Variants in SAMHD1 observed in about 807,000 individuals in gnomAD.
SAMHD1 encodes the protein deoxynucleoside triphosphate triphosphohydrolase SAMHD1.
In SAMHD1, 54 loss-of-function variants were observed where a neutral mutation model predicts 79.6. The ratio of observed to expected loss-of-function variants is 0.68; its 90% CI spans 0.55 to 0.85. SAMHD1 has a LOEUF of 0.85. Among genes scored for constraint, SAMHD1 ranks in the 40% least tolerant of loss-of-function variants. The pLI is 0.00. For synonymous variants in SAMHD1, 260 were observed against 264.1 expected (o/e 0.98, Z 0.15); for missense variants, 663 against 782.7 (o/e 0.85, Z 1.82).
At position 36,913,606 on chromosome 20, in the gene SAMHD1, GAA is replaced by G. The variant is rs796926123; in HGVS notation, c.1063-1056_1063-1055del. On this transcript the variant is annotated intron_variant, in intron 9 of 15. Transcript: ENST00000646673. ...TGACAGAGCAAGACTCCAACTCAAA[GAA>G]AAAAAAAAAAAACCCTAAAATCTAT... 2.7e-3 allele frequency among the ~76,000 whole-genome samples: 299 copies of G among 112,408 alleles called. 1 individual carries two copies. The highest frequency in any genetic ancestry group is 8.6e-3 in the African/African-American group (261 of 30,420). The allele number at this position is 112,408 out of a possible 152,430, so 73.7% of individuals were successfully genotyped here.
chr20:36,897,926 G>A lies in SAMHD1; in HGVS notation c.1642C>T (p.Gln548Ter), dbSNP rs121434519. The A allele has an allele frequency of 6.2e-7, 1 of 1,614,064 alleles. No individual in the cohort carries two copies. The highest frequency in any genetic ancestry group is 8.5e-7 in the Non-Finnish European group (1 of 1,180,032). ...TTCTTACAATATACTCGAATCAGCT[G>A]CTCTGCAAATTTCTCTGGCAGAAGT... ...SQLLPEKFAE[Q>*]LIRVYCKKVD... Residue 548 changes from glutamine to a stop codon, truncating the protein, a stop_gained, in exon 15 of 16, where the codon CAG (glutamine) becomes TAG (stop). Transcript: ENST00000646673. LOFTEE classifies it high-confidence loss of function.
At chr20:36,932,380 T>G (rs998168729) in intron 4 of SAMHD1, among the ~76,000 whole-genome samples, 19 of 112,066 alleles carry the variant, frequency 1.7e-4, no homozygotes, top group Admixed American at 4.0e-4. Context: ...AAAAGTAGAA[T>G]GGTAGTTACT....
At chr20:36,943,122 G>C (rs1225351012) in intron 2 of SAMHD1, among the ~76,000 whole-genome samples, 1 of 152,088 alleles carries the variant, frequency 6.6e-6, no homozygotes, top group African/African-American at 2.4e-5. Context: ...GGGATTGGGG[G>C]GTCTAGGGAG....
intron 3 of SAMHD1, among the ~76,000 whole-genome samples, chr20:36,938,473 G>A: frequency 6.6e-6 from 1 of 151,986 alleles, no homozygotes; most frequent in East Asian, 1.9e-4. Flanking sequence ...CCGGGAGGCG[G>A]AGGTTGCAGT....
intron 5 of SAMHD1, among the ~76,000 whole-genome samples, chr20:36,930,234 G>T (rs539267031): frequency 3.3e-5 from 5 of 152,250 alleles, no homozygotes; most frequent in Admixed American, 3.3e-4. Context: ...GGTGGCTCAT[G>T]CCTGTAATCC....
chr20:36,935,885 T>C lies in SAMHD1; in HGVS notation c.349-696A>G, dbSNP rs116497759. Among the ~76,000 whole-genome samples the C allele has an allele frequency of 6.4e-3, 974 of 152,098 alleles. 13 individuals are homozygous for C. Among genetic ancestry groups the C allele is most frequent in the East Asian group, 0.027 (139 of 5,166 alleles). On this transcript the variant is annotated intron_variant, in intron 3 of 15. Coordinates refer to ENST00000646673, the MANE Select transcript of SAMHD1 (RefSeq NM_015474.4). ...CGTGCCCGGCCTAAATTTTTTTTTT[T>C]CTAAATGTATCTATACAGCACTCAT...
chr20:36,944,205 G>A (rs1346135634), intron 2 of SAMHD1, among the ~76,000 whole-genome samples: 3 of 151,594 alleles, frequency 2.0e-5, no homozygotes, highest in Non-Finnish European at 2.9e-5. Context: ...AAATTAACCG[G>A]GCATGGTGGC....
intron 4 of SAMHD1, chr20:36,931,089 C>T (rs770948961): frequency 7.3e-5 from 42 of 577,482 alleles, no homozygotes. Flanking sequence ...TAGAGGAATG[C>T]ACATCAAAAC....
At chr20:36,896,626 G>A (rs574871297) in intron 15 of SAMHD1, among the ~76,000 whole-genome samples, 64 of 152,042 alleles carry the variant, frequency 4.2e-4, no homozygotes, top group African/African-American at 1.5e-3. Flanking sequence ...CACGAGGTCA[G>A]GAGATAGAGA....
At chr20:36,948,015 A>T (rs1475571871) in intron 1 of SAMHD1, among the ~76,000 whole-genome samples, 1 of 151,986 alleles carries the variant, frequency 6.6e-6, no homozygotes, top group South Asian at 2.1e-4. Flanking sequence ...TATAGATCAC[A>T]TGAGTTCTAG....
chr20:36,912,553 C>A lies in SAMHD1; in HGVS notation c.1063-1G>T. ...ACATGTCATACAGATTTCCAACTTCCTGCAGGAAAACATGAAGTAAATATT... is the reference window on the plus strand; with the variant it reads ...ACATGTCATACAGATTTCCAACTTCATGCAGGAAAACATGAAGTAAATATT... On this transcript the variant is annotated splice_acceptor_variant, in intron 9 of 15. Coordinates refer to ENST00000646673, the MANE Select transcript of SAMHD1 (RefSeq NM_015474.4). LOFTEE classifies it high-confidence loss of function. 1 of 1,600,810 alleles carries A rather than the reference C, an allele frequency of 6.2e-7. No individual in the cohort carries two copies. The highest frequency in any genetic ancestry group is 8.6e-7 in the Non-Finnish European group (1 of 1,168,358).
chr20:36,904,092 TA>T (rs2063391701), intron 13 of SAMHD1, 64 bp downstream of exon 13: 7 of 1,121,168 alleles, frequency 6.2e-6, no homozygotes, highest in Admixed American at 1.7e-5. Flanking sequence ...GTACTACTTT[TA>T]TAATGGTGGG....
At chr20:36,915,737 CAA>C (rs148641141) in intron 9 of SAMHD1, among the ~76,000 whole-genome samples, 11 of 120,240 alleles carry the variant, frequency 9.1e-5, no homozygotes, top group Admixed American at 1.7e-4. Flanking sequence ...ACTCCATCTC[CAA>C]AAAAAAAAAA....
chr20:36,939,011 A>ACT, intron 3 of SAMHD1, among the ~76,000 whole-genome samples: 1 of 144,022 alleles, frequency 6.9e-6, no homozygotes. Flanking sequence ...TGGGCAGATC[A>ACT]TGAGGTCAGG....
chr20:36,905,376 T>C lies in SAMHD1; in HGVS notation c.1398A>G (p.Ile466Met), dbSNP rs1344281482. 1 of 1,613,996 alleles carries C rather than the reference T, an allele frequency of 6.2e-7. No individual in the cohort carries two copies. The highest frequency in any genetic ancestry group is 1.3e-5 in the African/African-American group (1 of 74,924). Residue 466 changes from isoleucine to methionine, a missense_variant, in exon 12 of 16, where the codon ATA (isoleucine) becomes ATG (methionine). Ile to Met is a conservative substitution (Grantham distance 10). Coordinates refer to ENST00000646673, the MANE Select transcript of SAMHD1 (RefSeq NM_015474.4). ...CCTGATAACTCACCCTTTTAATCTT[T>C]ATTTGTCCTGTTGGCTGCGTCTCAC... ...YVGETQPTGQ[I>M]KIKREDYESL...
At chr20:36,915,048 T>C (rs1024536792) in intron 9 of SAMHD1, among the ~76,000 whole-genome samples, 2 of 151,820 alleles carry the variant, frequency 1.3e-5, no homozygotes, top group African/African-American at 4.8e-5. Context: ...ATGATACACG[T>C]AACATTCAAA....
Position 36,911,264 on chromosome 20 carries a change from G to T in SAMHD1, c.1224C>A (p.Arg408=), listed in dbSNP as rs963896466. The T allele has an allele frequency of 1.5e-5, 24 of 1,613,164 alleles. No individual in the cohort carries two copies. The highest frequency in any genetic ancestry group is 1.9e-5 in the Non-Finnish European group (23 of 1,179,868). ...CCATGTCGTCAATTGCTGTAGAAAT[G>T]CGATACTTTTTTCCTCCAGCACCTG... ...EITGAGGKKY[R]ISTAIDDMEA... is the part of the protein sequence containing the mutation. The change falls in exon 11 of 16, where the codon CGC becomes CGA. Residue 408 remains arginine (R), a synonymous_variant. Transcript: ENST00000646673.
intron 6 of SAMHD1, among the ~76,000 whole-genome samples, chr20:36,922,145 G>C (rs1456525472): frequency 2.0e-5 from 3 of 152,060 alleles, no homozygotes; most frequent in Admixed American, 6.6e-5. Context: ...CTGAAGAATT[G>C]CTCCAGATCA....
chr20:36,947,477 G>T (rs1229338943), intron 1 of SAMHD1, among the ~76,000 whole-genome samples: 1 of 121,104 alleles, frequency 8.3e-6, no homozygotes, highest in African/African-American at 3.3e-5. Flanking sequence ...TTTGGAAGAG[G>T]TGTGTGTGTG....
Sources: allele counts gnomAD v4.1 joint callset (sites outside exome capture counted in the v4.1 genomes callset), GRCh38; gene constraint gnomAD v4.1.1; transcripts MANE v1.5; gene names NCBI Gene and HGNC (gene_info 2026-07-23, HGNC 2026-07-21).